The following LRP1B variants were observed in gnomAD, a reference collection of about 807,000 sequenced individuals.
The protein encoded by LRP1B is LDL receptor related protein 1B.
LRP1B carries 217 observed loss-of-function variants against 556.6 expected under a neutral mutation model. That is an observed-to-expected ratio of 0.39 (90% CI 0.35 to 0.44). The LOEUF (loss-of-function observed/expected upper bound fraction) is 0.44, where lower values mean the gene tolerates loss of function less well. Among genes scored for constraint, LRP1B ranks in the 20% least tolerant of loss-of-function variants. LRP1B has a pLI of 1.00. For missense variants in LRP1B, 5,053 were observed against 5,620.8 expected (o/e 0.90, Z 3.23); for synonymous variants, 2,047 against 1,865.8 (o/e 1.10, Z -2.50).
intron 1 of LRP1B, among the ~76,000 whole-genome samples, chr2:142,081,496 C>CAGAAAGGAGGT (rs1451569207): frequency 1.3e-4 from 19 of 151,974 alleles, no homozygotes; most frequent in African/African-American, 4.6e-4. Flanking sequence ...AGACAGCAAC[C>CAGAAAGGAGGT]AGAAAGGAGG....
intron 35 of LRP1B, among the ~76,000 whole-genome samples, chr2:140,764,147 T>TA (rs1689021485): frequency 1.3e-5 from 2 of 152,190 alleles, no homozygotes; most frequent in South Asian, 4.1e-4. Flanking sequence ...AGTTTCTTTT[T>TA]ATAAGCTTCC....
chr2:140,680,866 T>C (rs1685835807), intron 41 of LRP1B, among the ~76,000 whole-genome samples: 1 of 152,234 alleles, frequency 6.6e-6, no homozygotes, highest in Admixed American at 6.5e-5. Context: ...ATATTATTTG[T>C]ATATCTTTAA....
At chr2:142,063,850 G>T (rs1705004971) in intron 1 of LRP1B, among the ~76,000 whole-genome samples, 1 of 151,534 alleles carries the variant, frequency 6.6e-6, no homozygotes, top group Non-Finnish European at 1.5e-5. Flanking sequence ...TAAAACACAA[G>T]ATGTAAGGTT....
At chr2:141,751,195 G>T (rs1694099218) in intron 2 of LRP1B, among the ~76,000 whole-genome samples, 1 of 151,850 alleles carries the variant, frequency 6.6e-6, no homozygotes, top group Non-Finnish European at 1.5e-5. Flanking sequence ...TACTGTCTTT[G>T]GGTTCCTTTA....
At chr2:140,901,019 G>A (rs1045735956) in intron 23 of LRP1B, among the ~76,000 whole-genome samples, 4 of 152,062 alleles carry the variant, frequency 2.6e-5, no homozygotes, top group South Asian at 4.1e-4. Context: ...TCAGAAAGTC[G>A]TGCTTTTTTT....
intron 1 of LRP1B, 59 bp from the exon 2 acceptor site, chr2:141,810,460 C>T (rs1258495938): frequency 1.3e-6 from 2 of 1,556,734 alleles, no homozygotes; most frequent in Non-Finnish European, 1.8e-6. Flanking sequence ...GCAGAACGAG[C>T]AGTACAAACA....
intron 37 of LRP1B, among the ~76,000 whole-genome samples, chr2:140,707,765 A>G (rs1686890569): frequency 6.6e-6 from 1 of 152,130 alleles, no homozygotes; most frequent in African/African-American, 2.4e-5. Flanking sequence ...TGTCTGAGAA[A>G]GTATTACAGG....
At position 141,329,655 on chromosome 2, in the gene LRP1B, A is replaced by AACAAAACAAAAC. The variant is rs1553497027; in HGVS notation, c.344-75015_344-75014insGTTTTGTTTTGT. 9.4e-5 allele frequency among the ~76,000 whole-genome samples: 13 copies of AACAAAACAAAAC among 138,132 alleles called. 1 individual carries two copies. Among genetic ancestry groups the AACAAAACAAAAC allele is most frequent in the African/African-American group, 3.1e-4 (11 of 36,058 alleles). 90.6% of individuals were successfully genotyped at this position (138,132 alleles called of 152,430 possible). On this transcript the variant is annotated intron_variant, in intron 3 of 90. Coordinates refer to ENST00000389484, the MANE Select transcript of LRP1B (RefSeq NM_018557.3). ...CGAGACTCTGTCTCAAAAAAAAAAAAAAAAAAAAAACTATCTCTCTCTCTA... is the reference window on the plus strand; with the variant it reads ...CGAGACTCTGTCTCAAAAAAAAAAAAACAAAACAAAACAAAAAAAAAACTATCTCTCTCTCTA...
chr2:140,549,612 T>C (rs1178900914), intron 43 of LRP1B, among the ~76,000 whole-genome samples: 1 of 152,234 alleles, frequency 6.6e-6, no homozygotes, highest in Non-Finnish European at 1.5e-5. Flanking sequence ...ATACTATTTT[T>C]ACTGTCACTG....
At chr2:141,100,458 A>G (rs1700433124) in intron 7 of LRP1B, among the ~76,000 whole-genome samples, 1 of 152,196 alleles carries the variant, frequency 6.6e-6, no homozygotes, top group Non-Finnish European at 1.5e-5. Context: ...TCCATCATAA[A>G]GAGGGCTAGA....
intron 2 of LRP1B, among the ~76,000 whole-genome samples, chr2:141,778,356 G>C (rs1286955773): frequency 6.6e-6 from 1 of 152,082 alleles, no homozygotes; most frequent in African/African-American, 2.4e-5. Flanking sequence ...GATTTTGAAG[G>C]GTCAGGCAAG....
At chr2:141,132,970 C>G (rs955410264) in intron 7 of LRP1B, among the ~76,000 whole-genome samples, 1 of 151,954 alleles carries the variant, frequency 6.6e-6, no homozygotes, top group African/African-American at 2.4e-5. Context: ...AAAGTCACTC[C>G]ATATGTTTTA....
intron 1 of LRP1B, among the ~76,000 whole-genome samples, chr2:142,098,941 T>C (rs1706473714): frequency 6.6e-6 from 1 of 151,794 alleles, no homozygotes; most frequent in Admixed American, 6.6e-5. Context: ...GAGTTGTTCC[T>C]AAATTAGAAC....
At chr2:141,603,698 C>A (rs1377467932) in intron 2 of LRP1B, among the ~76,000 whole-genome samples, 1 of 152,044 alleles carries the variant, frequency 6.6e-6, no homozygotes, top group Non-Finnish European at 1.5e-5. Context: ...AACACCTTAC[C>A]ATATTATTTC....
chr2:140,964,979 T>C (rs976484205), intron 18 of LRP1B, among the ~76,000 whole-genome samples: 6 of 152,048 alleles, frequency 3.9e-5, no homozygotes, highest in Admixed American at 3.9e-4. Context: ...GAAAAGCAAC[T>C]GAGGTTTGGA....
At chr2:141,285,098 ATTTTTTT>A (rs543994866) in intron 3 of LRP1B, among the ~76,000 whole-genome samples, 5 of 135,682 alleles carry the variant, frequency 3.7e-5, no homozygotes, top group Non-Finnish European at 6.4e-5. Context: ...CCCATATTTC[ATTTTTTT>A]TTTTTTTTTT....
At chr2:141,720,592 C>T (rs1406823795) in intron 2 of LRP1B, among the ~76,000 whole-genome samples, 1 of 151,924 alleles carries the variant, frequency 6.6e-6, no homozygotes, top group Non-Finnish European at 1.5e-5. Context: ...ATTTTAACAT[C>T]GTCATTAATT....
chr2:141,663,153 C>A (rs2105399101), intron 2 of LRP1B, among the ~76,000 whole-genome samples: 2 of 152,172 alleles, frequency 1.3e-5, no homozygotes, highest in Non-Finnish European at 2.9e-5. Context: ...AACAAAGAGA[C>A]AACATACCAG....
At position 140,440,083 on chromosome 2, in the gene LRP1B, G is replaced by A. The variant is rs568556626; in HGVS notation, c.10414+2421C>T. On this transcript the variant is annotated intron_variant, in intron 66 of 90. Transcript: ENST00000389484. ...CAAGGTAGAACAAACTACAATGTTC[G>A]GACTTTAGAAATGAAATATCCAACT... is the stretch of plus-strand genomic sequence containing the variant. Among the ~76,000 whole-genome samples the A allele has an allele frequency of 1.6e-3, 248 of 151,906 alleles. 2 individuals carry two copies. The highest frequency in any genetic ancestry group is 1.0e-3 in the Non-Finnish European group (69 of 67,932).
Sources: allele counts gnomAD v4.1 joint callset (sites outside exome capture counted in the v4.1 genomes callset), GRCh38; gene constraint gnomAD v4.1.1; transcripts MANE v1.5; gene names NCBI Gene and HGNC (gene_info 2026-07-23, HGNC 2026-07-21).